The following GSPT1 variants were observed in gnomAD, a reference collection of about 807,000 sequenced individuals.
GSPT1 encodes eukaryotic peptide chain release factor GTP-binding subunit ERF3A.
Under a neutral mutation model 72.5 loss-of-function variants are expected in GSPT1, and 20 were observed. The ratio of observed to expected loss-of-function variants is 0.28; its 90% confidence interval spans 0.19 to 0.40. The LOEUF (loss-of-function observed/expected upper bound fraction) is 0.40. Among genes scored for constraint, GSPT1 ranks in the 10% least tolerant of loss-of-function variants. The pLI, the probability that GSPT1 is intolerant of heterozygous loss-of-function variation, is 1.00. For missense variants in GSPT1, 580 were observed against 811.9 expected, an observed-to-expected ratio of 0.71 and a Z score of 3.47; for synonymous variants, 334 against 293.5, an observed-to-expected ratio of 1.14 and a Z score of -1.41.
intron 1 of GSPT1, 78 bp downstream of exon 1, chr16:11,915,291 C>CGG: frequency 4.0e-6 from 5 of 1,260,596 alleles, no homozygotes; most frequent in South Asian, 2.7e-5. Flanking sequence ...CCCAGGGCCG[C>CGG]GCGCCCCCGG....
At position 11,871,338 on chromosome 16, in the gene GSPT1, C is replaced by T. The variant is rs1370286051; in HGVS notation, c.*1781G>A. The T allele has an allele frequency of 6.6e-6, 1 of 152,092 alleles. No individual in the cohort carries two copies. The highest frequency in any genetic ancestry group is 2.4e-5 in the African/African-American group (1 of 41,408). The allele number at this position is 152,092 out of a possible 1,614,324, so 9.4% of individuals were successfully genotyped here. ...TCCCAGCACTTTTGAGAGGCTGAGG[C>T]GAGTGGATCACTTGAGGTCAGAAGT... On this transcript the variant is annotated 3_prime_UTR_variant, in exon 15 of 15. Transcript: ENST00000434724.
chr16:11,902,589 C>CTTT (rs138731095), intron 1 of GSPT1, among the ~76,000 whole-genome samples: 1 of 144,582 alleles, frequency 6.9e-6, no homozygotes, highest in Admixed American at 7.0e-5. Flanking sequence ...GGAACTGGAT[C>CTTT]TTTTTTTTTT....
In GSPT1 at chr16:11,908,602, T is replaced by C. The variant is rs2054518089; in HGVS notation, c.352+6767A>G. The C allele has an allele frequency of 1.9e-5, 2 of 105,380 alleles. 1 individual carries two copies. The highest frequency in any genetic ancestry group is 9.9e-5 in the African/African-American group (2 of 20,166). 6.5% of individuals were successfully genotyped at this position (105,380 alleles called of 1,614,324 possible). A position where few individuals can be genotyped will look rare whatever the true frequency, so the allele number is the denominator to read the frequency against. On this transcript the variant is annotated intron_variant, in intron 1 of 14. Coordinates refer to ENST00000434724, the MANE Select transcript of GSPT1 (RefSeq NM_002094.4). ...GGTGAAACCCCGTCTCTACTAAAAA[T>C]ACAAAAAATTAGCCGGGCGTAGTGG...
chr16:11,898,110 A>C (rs117034663), intron 1 of GSPT1, 75 bp from the exon 2 acceptor site: 2 of 917,414 alleles, frequency 2.2e-6, no homozygotes, highest in Non-Finnish European at 3.5e-6. Flanking sequence ...ATATGCAGTA[A>C]AAACAGAAGT....
At chr16:11,875,336 G>T (rs185025754) in intron 14 of GSPT1, among the ~76,000 whole-genome samples, 1 of 152,266 alleles carries the variant, frequency 6.6e-6, no homozygotes, top group East Asian at 1.9e-4. Context: ...GGGAATGTTA[G>T]TTGTTCTGCG....
intron 1 of GSPT1, among the ~76,000 whole-genome samples, chr16:11,903,557 CAT>C (rs1278457420): frequency 9.9e-5 from 15 of 152,004 alleles, no homozygotes; most frequent in Admixed American, 6.6e-5. Context: ...TGTGGTAGCA[CAT>C]GTCTGTAGTG....
At chr16:11,914,321 T>C (rs948970915) in intron 1 of GSPT1, among the ~76,000 whole-genome samples, 4 of 152,208 alleles carry the variant, frequency 2.6e-5, no homozygotes, top group African/African-American at 9.7e-5. Context: ...AGCACCATTA[T>C]GAGAATACAT....
intron 11 of GSPT1, chr16:11,882,369 A>G (rs1337870475): frequency 6.6e-6 from 1 of 152,266 alleles, no homozygotes; most frequent in Non-Finnish European, 1.5e-5. Flanking sequence ...TAAACATTTT[A>G]GAAGATACTA....
intron 6 of GSPT1, 41 bp from the exon 7 acceptor site, chr16:11,887,791 A>G: frequency 7.5e-7 from 1 of 1,340,994 alleles, no homozygotes; most frequent in Non-Finnish European, 1.1e-6. Context: ...TCCTAAGAAC[A>G]TCAGAGTTTT....
intron 5 of GSPT1, among the ~76,000 whole-genome samples, chr16:11,891,370 T>A (rs33644): frequency 0.34 from 48,319 of 140,586 alleles, 8,210 homozygotes; most frequent in East Asian, 0.54. Flanking sequence ...ATATATATAT[T>A]TTTTTTTTTG....
chr16:11,894,326 G>A (rs1264594071), intron 5 of GSPT1, among the ~76,000 whole-genome samples: 1 of 151,936 alleles, frequency 6.6e-6, no homozygotes, highest in African/African-American at 2.4e-5. Context: ...ATACTAAAAT[G>A]CATTACTAAA....
At chr16:11,914,443 T>G (rs941483647) in intron 1 of GSPT1, among the ~76,000 whole-genome samples, 1 of 152,212 alleles carries the variant, frequency 6.6e-6, no homozygotes, top group African/African-American at 2.4e-5. Context: ...TAACTCGAAA[T>G]TTTATGGATT....
At chr16:11,909,419 T>A (rs934212616) in intron 1 of GSPT1, among the ~76,000 whole-genome samples, 2 of 152,238 alleles carry the variant, frequency 1.3e-5, no homozygotes, top group African/African-American at 4.8e-5. Context: ...TTGATTGTTC[T>A]GAGGACCTCA....
chr16:11,884,728 C>A (rs1461779483), intron 10 of GSPT1, among the ~76,000 whole-genome samples: 1 of 144,866 alleles, frequency 6.9e-6, no homozygotes. Flanking sequence ...CACACCACTG[C>A]ACTCTAGCCT....
intron 1 of GSPT1, among the ~76,000 whole-genome samples, chr16:11,912,368 A>C (rs535259441): frequency 2.0e-5 from 3 of 152,044 alleles, no homozygotes; most frequent in African/African-American, 7.2e-5. Context: ...AAAAACAAAA[A>C]AAAAACCTCC....
chr16:11,886,040 C>G (rs966187836), intron 9 of GSPT1, among the ~76,000 whole-genome samples: 1 of 151,816 alleles, frequency 6.6e-6, no homozygotes, highest in African/African-American at 2.4e-5. Context: ...TATACAAAAA[C>G]AAAACAAACC....
At chr16:11,874,930 G>A (rs776196397) in intron 14 of GSPT1, among the ~76,000 whole-genome samples, 4 of 152,312 alleles carry the variant, frequency 2.6e-5, no homozygotes, top group East Asian at 1.9e-4. Context: ...GGTGGCTCAC[G>A]CCTGTAATCC....
chr16:11,901,807 A>G (rs2054410605), intron 1 of GSPT1, among the ~76,000 whole-genome samples: 1 of 151,398 alleles, frequency 6.6e-6, no homozygotes, highest in South Asian at 2.1e-4. Context: ...AAAAAGAGGA[A>G]AAACTAGGCT....
chr16:11,904,110 G>A (rs2054453937), intron 1 of GSPT1: 1 of 230,756 alleles, frequency 4.3e-6, no homozygotes, highest in African/African-American at 2.3e-5. Context: ...CCACACATCT[G>A]AGGTTTTGGC....
Sources: gnomAD v4.1 joint callset for allele counts (sites outside exome capture counted in the v4.1 genomes callset) on GRCh38, gnomAD v4.1.1 for gene constraint, MANE v1.5 for transcripts, NCBI Gene and HGNC (gene_info 2026-07-23, HGNC 2026-07-21) for gene names.